The following MATN2 variants were observed in gnomAD, a reference collection of about 807,000 sequenced individuals.
MATN2 encodes matrilin 2, also known as matrilin-2.
Under a neutral mutation model 103.2 loss-of-function variants are expected in MATN2, and 69 were observed. That is an observed-to-expected ratio of 0.67 (90% CI 0.55 to 0.82). The LOEUF is 0.82. Among genes scored for constraint, MATN2 ranks in the 40% least tolerant of loss-of-function variants. MATN2 has a pLI of 0.00. For synonymous variants in MATN2, 429 were observed against 450.2 expected (o/e 0.95, Z 0.60); for missense variants, 1,023 against 1,211.5 (o/e 0.84, Z 2.31).
intron 2 of MATN2, among the ~76,000 whole-genome samples, chr8:97,918,652 A>AAGG (rs1563666790): frequency 6.6e-6 from 1 of 152,210 alleles, no homozygotes; most frequent in African/African-American, 2.4e-5. Context: ...ATTTGCACTT[A>AAGG]GGCGACTGTG....
chr8:98,014,416 A>G (rs1208023658), intron 10 of MATN2, among the ~76,000 whole-genome samples: 1 of 152,210 alleles, frequency 6.6e-6, no homozygotes, highest in African/African-American at 2.4e-5. Flanking sequence ...AATGTTCTGC[A>G]TTAATAGTGA....
intron 2 of MATN2, among the ~76,000 whole-genome samples, chr8:97,908,928 C>A (rs998253516): frequency 5.2e-4 from 79 of 152,100 alleles, no homozygotes; most frequent in African/African-American, 1.8e-3. Context: ...CATGCCTGCA[C>A]CAGCCCCTCC....
chr8:97,947,525 A>C (rs958208714), intron 4 of MATN2, among the ~76,000 whole-genome samples: 1 of 152,258 alleles, frequency 6.6e-6, no homozygotes, highest in African/African-American at 2.4e-5. Flanking sequence ...TAATGGCATC[A>C]AAAATATGTA....
intron 10 of MATN2, among the ~76,000 whole-genome samples, chr8:98,011,796 CAG>C (rs1813171823): frequency 6.6e-6 from 1 of 152,262 alleles, no homozygotes; most frequent in Admixed American, 6.5e-5. Flanking sequence ...GTCATCACGG[CAG>C]AGGTGCAAGT....
chr8:97,994,054 G>GAGAA (rs199788464), intron 6 of MATN2, among the ~76,000 whole-genome samples: 47 of 141,146 alleles, frequency 3.3e-4, no homozygotes, highest in East Asian at 6.1e-4. Context: ...GAAAGGAAGA[G>GAGAA]AGAAAGAAAG....
At chr8:97,911,346 C>G (rs1319517399) in intron 2 of MATN2, among the ~76,000 whole-genome samples, 1 of 152,112 alleles carries the variant, frequency 6.6e-6, no homozygotes, top group Non-Finnish European at 1.5e-5. Context: ...TTCATTTAGT[C>G]TAACCCTCTC....
intron 2 of MATN2, among the ~76,000 whole-genome samples, chr8:97,900,642 A>G (rs1401935201): frequency 1.3e-5 from 2 of 152,202 alleles, no homozygotes; most frequent in Admixed American, 6.5e-5. Context: ...GAATAAAGAT[A>G]TACTGAGAAC....
At chr8:98,003,904 G>A in intron 8 of MATN2, 121 bp downstream of exon 8, 1 of 1,110,828 alleles carries the variant, frequency 9.0e-7, no homozygotes, top group South Asian at 1.4e-5. Context: ...TCTGTCAGGT[G>A]TATCCTTCCT....
At chr8:97,904,867 A>G (rs1009983469) in intron 2 of MATN2, among the ~76,000 whole-genome samples, 17 of 152,328 alleles carry the variant, frequency 1.1e-4, no homozygotes, top group African/African-American at 3.8e-4. Flanking sequence ...CAGTGGCTCC[A>G]TAATTTGGAT....
intron 3 of MATN2, among the ~76,000 whole-genome samples, chr8:97,934,867 A>G (rs1810321942): frequency 1.3e-5 from 2 of 152,234 alleles, no homozygotes; most frequent in Non-Finnish European, 2.9e-5. Flanking sequence ...TTTTATCTGT[A>G]GCTATCTGCT....
Position 98,036,449 on chromosome 8 carries a change from C to G in MATN2, c.*737C>G, listed in dbSNP as rs1306768643. 6.6e-6 allele frequency: 1 copy of G among 152,042 alleles called. No individual in the cohort carries two copies. Among genetic ancestry groups the G allele is most frequent in the Admixed American group, 6.5e-5 (1 of 15,276 alleles). 9.4% of individuals were successfully genotyped at this position (152,042 alleles called of 1,614,324 possible). A position where few individuals can be genotyped will look rare whatever the true frequency, so the allele number is the denominator to read the frequency against. On this transcript the variant is annotated 3_prime_UTR_variant, in exon 19 of 19. Coordinates refer to ENST00000254898, the MANE Select transcript of MATN2 (RefSeq NM_002380.5). ...TTGTAGTAAGAATGCAAATGGCACTCTTTGTAGAGTAAGTCTGTTGACATC... is the reference window on the plus strand; with the variant it reads ...TTGTAGTAAGAATGCAAATGGCACTGTTTGTAGAGTAAGTCTGTTGACATC...
At chr8:97,924,462 C>T (rs139396264) in intron 2 of MATN2, among the ~76,000 whole-genome samples, 2 of 152,324 alleles carry the variant, frequency 1.3e-5, no homozygotes, top group African/African-American at 4.8e-5. Context: ...TGGAACATCA[C>T]ATTTTCTGAA....
intron 4 of MATN2, among the ~76,000 whole-genome samples, chr8:97,960,368 T>C (rs982428274): frequency 6.6e-6 from 1 of 151,718 alleles, no homozygotes; most frequent in Non-Finnish European, 1.5e-5. Context: ...AGCTGTTTCA[T>C]GGTATCCAAG....
intron 10 of MATN2, among the ~76,000 whole-genome samples, chr8:98,011,794 G>C (rs113691184): frequency 5.3e-4 from 81 of 152,096 alleles, no homozygotes; most frequent in Non-Finnish European, 1.0e-3. Context: ...CTGTCATCAC[G>C]GCAGAGGTGC....
In MATN2 at chr8:97,931,369, A is replaced by G; in HGVS notation, c.559A>G (p.Thr187Ala). The change falls in exon 3 of 19, where the codon ACG becomes GCG. Residue 187 changes from threonine (T) to alanine (A), a missense_variant. Physicochemically the swap from Thr to Ala is moderately conservative, Grantham distance 58. Coordinates refer to ENST00000254898, the MANE Select transcript of MATN2 (RefSeq NM_002380.5). The surrounding 1 kb of genome is among the most constrained non-coding windows in gnomAD (Gnocchi z 4.1). Reference sequence around the variant, plus strand: ...CGAGGTGGCTGCTAAGGCACGGGACACGGGCATCCTAATCTTTGCCATTGG... The same window carrying G: ...CGAGGTGGCTGCTAAGGCACGGGACGCGGGCATCCTAATCTTTGCCATTGG... ...VAEVAAKARDTGILIFAIGVG... is the reference protein window; with the variant it reads ...VAEVAAKARDAGILIFAIGVG... The G allele has an allele frequency of 6.2e-7, 1 of 1,613,860 alleles. No individual in the cohort carries two copies. The highest frequency in any genetic ancestry group is 8.5e-7 in the Non-Finnish European group (1 of 1,179,888).
intron 2 of MATN2, among the ~76,000 whole-genome samples, chr8:97,921,038 G>A (rs893331069): frequency 4.6e-5 from 7 of 152,064 alleles, no homozygotes; most frequent in African/African-American, 1.4e-4. Flanking sequence ...AGTTGATTTC[G>A]AACCCTACGT....
intron 5 of MATN2, among the ~76,000 whole-genome samples, chr8:97,970,315 C>A (rs1811614967): frequency 6.6e-6 from 1 of 152,174 alleles, no homozygotes; most frequent in African/African-American, 2.4e-5. Flanking sequence ...TGATTGAAGT[C>A]TGATTGAAGG....
chr8:97,922,886 C>T (rs995653864), intron 2 of MATN2, among the ~76,000 whole-genome samples: 5 of 152,126 alleles, frequency 3.3e-5, no homozygotes, highest in African/African-American at 9.7e-5. Context: ...TCATTGTATC[C>T]CGTTATTGTG....
At chr8:97,934,341 A>C (rs1407012618) in intron 3 of MATN2, among the ~76,000 whole-genome samples, 1 of 152,228 alleles carries the variant, frequency 6.6e-6, no homozygotes, top group African/African-American at 2.4e-5. Flanking sequence ...TGTAAATGGT[A>C]GAGCCCTATT....
Sources: gnomAD v4.1 joint callset for allele counts (sites outside exome capture counted in the v4.1 genomes callset) on GRCh38, gnomAD v4.1.1 for gene constraint, Gnocchi (gnomAD v3.1) non-coding constraint, MANE v1.5 for transcripts, NCBI Gene and HGNC (gene_info 2026-07-23, HGNC 2026-07-21) for gene names.